Variants in PPFIBP2 observed in about 807,000 individuals in gnomAD.
The protein encoded by PPFIBP2 is PPFIB scaffold protein 2, also known as liprin-beta-2.
PPFIBP2 carries 118 observed loss-of-function variants against 118.3 expected under a neutral mutation model. The observed-to-expected ratio is 1.00, with a 90% CI of 0.86 to 1.16. The LOEUF is 1.16. PPFIBP2 is among the 50% of genes most tolerant of loss of function. The pLI is 0.00. For synonymous variants in PPFIBP2, 414 were observed against 397.4 expected (o/e 1.04, Z -0.50); for missense variants, 1,195 against 1,073.1 (o/e 1.11, Z -1.59).
At chr11:7,574,254 T>C (rs976284298) in intron 3 of PPFIBP2, among the ~76,000 whole-genome samples, 1 of 152,210 alleles carries the variant, frequency 6.6e-6, no homozygotes, top group African/African-American at 2.4e-5. Context: ...CCTTCGGGAC[T>C]GTTAGGTCAC....
intron 3 of PPFIBP2, among the ~76,000 whole-genome samples, chr11:7,568,395 A>G (rs1206448690): frequency 6.6e-6 from 1 of 152,224 alleles, no homozygotes; most frequent in East Asian, 1.9e-4. Context: ...TGCAGGCAAC[A>G]TGTCCTTACA....
intron 17 of PPFIBP2, among the ~76,000 whole-genome samples, chr11:7,642,719 T>G (rs1852384693): frequency 6.6e-6 from 1 of 152,200 alleles, no homozygotes; most frequent in African/African-American, 2.4e-5. Flanking sequence ...TTTAGTCACC[T>G]CAAGATTGCC....
intron 11 of PPFIBP2, among the ~76,000 whole-genome samples, chr11:7,631,528 C>T (rs1262449416): frequency 6.6e-6 from 1 of 152,054 alleles, no homozygotes; most frequent in East Asian, 1.9e-4. Context: ...ACAGATTTTC[C>T]TTCTCATCTA....
chr11:7,619,269 G>T (rs1386916020), intron 6 of PPFIBP2, among the ~76,000 whole-genome samples: 1 of 152,198 alleles, frequency 6.6e-6, no homozygotes, highest in Non-Finnish European at 1.5e-5. Context: ...TGATATAGTA[G>T]GGAGGTCAGG....
At chr11:7,632,805 A>G in intron 11 of PPFIBP2, 62 bp from the exon 12 acceptor site, 1 of 1,329,692 alleles carries the variant, frequency 7.5e-7, no homozygotes, top group East Asian at 2.3e-5. Flanking sequence ...AGCAGGGGGA[A>G]AGATGGTGGG....
chr11:7,605,686 A>C, intron 5 of PPFIBP2: 1 of 1,309,964 alleles, frequency 7.6e-7, no homozygotes, highest in Non-Finnish European at 9.7e-7. Flanking sequence ...TGTTGCTTCA[A>C]GGAAGTTGAT....
At chr11:7,586,196 TC>T (rs1388041953) in intron 3 of PPFIBP2, among the ~76,000 whole-genome samples, 2 of 152,204 alleles carry the variant, frequency 1.3e-5, no homozygotes, top group African/African-American at 4.8e-5. Context: ...TGGTTATTGT[TC>T]CCTTGGGTTG....
At chr11:7,544,578 T>C (rs1318120601) in intron 1 of PPFIBP2, among the ~76,000 whole-genome samples, 7 of 151,722 alleles carry the variant, frequency 4.6e-5, no homozygotes, top group Non-Finnish European at 7.4e-5. Flanking sequence ...ATCGAGACCA[T>C]CCTGGCTAAC....
At chr11:7,554,777 A>G (rs1054959362) in intron 2 of PPFIBP2, among the ~76,000 whole-genome samples, 9 of 140,534 alleles carry the variant, frequency 6.4e-5, no homozygotes, top group Non-Finnish European at 1.2e-4. Context: ...GAATGGCTGA[A>G]TCCCAGGTGA....
intron 1 of PPFIBP2, among the ~76,000 whole-genome samples, chr11:7,531,794 T>G (rs1462720257): frequency 3.3e-5 from 5 of 152,150 alleles, no homozygotes; most frequent in African/African-American, 1.2e-4. Context: ...CAGGGTTGGT[T>G]TCTTTTGGGG....
chr11:7,604,024 C>CA (rs1329113530), intron 5 of PPFIBP2, among the ~76,000 whole-genome samples: 1 of 152,134 alleles, frequency 6.6e-6, no homozygotes, highest in Non-Finnish European at 1.5e-5. Flanking sequence ...AGGATTCCAC[C>CA]ATGAAGGTCA....
intron 6 of PPFIBP2, among the ~76,000 whole-genome samples, chr11:7,611,960 T>A (rs1848123163): frequency 6.6e-6 from 1 of 152,240 alleles, no homozygotes; most frequent in Non-Finnish European, 1.5e-5. Context: ...TGTTTCAACC[T>A]GCACAATTGT....
chr11:7,651,737 C>T lies in PPFIBP2; in HGVS notation c.2329C>T (p.Leu777=), dbSNP rs761669984. 6.2e-7 allele frequency: 1 copy of T among 1,614,056 alleles called. No individual in the cohort carries two copies. The highest frequency in any genetic ancestry group is 8.5e-7 in the Non-Finnish European group (1 of 1,179,978). ...PPQKTLLRRH[L]TTKFNALIGP... Reference sequence around the variant, plus strand: ...ACAAAAGACGCTCCTCAGGCGCCACCTGACCACCAAGTTCAATGCCTTGAT... The same window carrying T: ...ACAAAAGACGCTCCTCAGGCGCCACTTGACCACCAAGTTCAATGCCTTGAT... The change falls in exon 23 of 24, where the codon CTG becomes TTG. Residue 777 remains leucine (L), a synonymous_variant. Transcript: ENST00000299492.
At chr11:7,665,259 C>G in the PPFIBP2 span, 2 of 895,718 alleles carry the variant, frequency 2.2e-6, no homozygotes, top group Non-Finnish European at 3.3e-6. Context: ...CCAGTGTGTG[C>G]GCGAAGGTAC....
At chr11:7,601,338 C>A (rs971543419) in intron 5 of PPFIBP2, among the ~76,000 whole-genome samples, 2 of 152,168 alleles carry the variant, frequency 1.3e-5, no homozygotes, top group African/African-American at 2.4e-5. Context: ...TCAGAACCAA[C>A]CAGAGCCAGC....
intron 4 of PPFIBP2, 108 bp from the exon 5 acceptor site, chr11:7,597,452 G>A: frequency 3.3e-6 from 5 of 1,534,722 alleles, no homozygotes; most frequent in Non-Finnish European, 3.5e-6. Flanking sequence ...ATCGTTCACT[G>A]TGTGTAAGAG....
intron 2 of PPFIBP2, among the ~76,000 whole-genome samples, chr11:7,559,200 C>A (rs932970231): frequency 1.3e-5 from 2 of 152,204 alleles, no homozygotes; most frequent in African/African-American, 4.8e-5. Context: ...TTGAATTACC[C>A]TTTTCTGAGA....
At chr11:7,572,764 A>C (rs1855790077) in intron 3 of PPFIBP2, among the ~76,000 whole-genome samples, 1 of 152,172 alleles carries the variant, frequency 6.6e-6, no homozygotes, top group Non-Finnish European at 1.5e-5. Flanking sequence ...GTTTCGAAGA[A>C]TGTTTTGTTT....
At chr11:7,605,113 A>G (rs1420361796) in intron 5 of PPFIBP2, among the ~76,000 whole-genome samples, 1 of 152,252 alleles carries the variant, frequency 6.6e-6, no homozygotes, top group Non-Finnish European at 1.5e-5. Context: ...AGTATTCTGA[A>G]CTAGGGAACA....
Sources: allele counts gnomAD v4.1 joint callset (sites outside exome capture counted in the v4.1 genomes callset), GRCh38; gene constraint gnomAD v4.1.1; transcripts MANE v1.5; gene names NCBI Gene and HGNC (gene_info 2026-07-23, HGNC 2026-07-21).